MARCHF1: variants seen among roughly 807,000 people sequenced by gnomAD.
MARCHF1 encodes E3 ubiquitin-protein ligase MARCHF1.
Under a neutral mutation model 54.2 loss-of-function variants are expected in MARCHF1, and 40 were observed. That is an observed-to-expected ratio of 0.74 (90% CI 0.57 to 0.96). The LOEUF (loss-of-function observed/expected upper bound fraction) is 0.96. Among genes scored for constraint, MARCHF1 ranks in the 40% least tolerant of loss-of-function variants. The pLI is 0.00. For synonymous variants in MARCHF1, 236 were observed against 236.3 expected (o/e 1.00, Z 0.01); for missense variants, 586 against 656.5 (o/e 0.89, Z 1.17).
chr4:164,203,150 G>A (rs77269241), intron 1 of MARCHF1, among the ~76,000 whole-genome samples: 1 of 152,022 alleles, frequency 6.6e-6, no homozygotes, highest in Non-Finnish European at 1.5e-5. Context: ...GGGATTTTTA[G>A]AGCTTTATTG....
chr4:164,299,792 G>A lies in MARCHF1; in HGVS notation c.-323+84078C>T, dbSNP rs139212624. On this transcript the variant is annotated intron_variant, in intron 1 of 9. Coordinates refer to ENST00000514618, the MANE Select transcript of MARCHF1 (RefSeq NM_001394959.1). ...CAACTCTTACAGAGGAAAATAGAGAGGTGGCACTAATATAAAAACAGGTAA... is the reference window on the plus strand; with the variant it reads ...CAACTCTTACAGAGGAAAATAGAGAAGTGGCACTAATATAAAAACAGGTAA... Among the ~76,000 whole-genome samples the A allele has an allele frequency of 7.6e-3, 1,161 of 152,200 alleles. 10 individuals are homozygous for A. Among genetic ancestry groups the A allele is most frequent in the Middle Eastern group, 0.02 (6 of 294 alleles).
chr4:163,861,540 T>A (rs1320529886), intron 3 of MARCHF1, among the ~76,000 whole-genome samples: 1 of 152,080 alleles, frequency 6.6e-6, no homozygotes, highest in Non-Finnish European at 1.5e-5. Flanking sequence ...TTACAGGATT[T>A]ATATAAAAAA....
intron 1 of MARCHF1, among the ~76,000 whole-genome samples, chr4:164,274,310 A>C (rs568999725): frequency 3.3e-5 from 5 of 152,260 alleles, no homozygotes; most frequent in Admixed American, 6.5e-5. Context: ...CCATACCTTC[A>C]AGTTTGCTCT....
At chr4:163,709,795 A>G (rs1354100690) in intron 4 of MARCHF1, among the ~76,000 whole-genome samples, 1 of 152,206 alleles carries the variant, frequency 6.6e-6, no homozygotes, top group African/African-American at 2.4e-5. Context: ...CTACCTCTAA[A>G]TTGCTGAACT....
chr4:163,662,930 C>A (rs770661094), intron 5 of MARCHF1, among the ~76,000 whole-genome samples: 7 of 152,078 alleles, frequency 4.6e-5, no homozygotes, highest in Admixed American at 6.6e-5. Context: ...AGTAACCTCA[C>A]CCCTTCTTCA....
intron 1 of MARCHF1, among the ~76,000 whole-genome samples, chr4:164,313,465 G>T (rs958852294): frequency 6.6e-6 from 1 of 151,882 alleles, no homozygotes; most frequent in Admixed American, 6.6e-5. Context: ...TGATAGAGCT[G>T]GGCCAAAGCC....
At chr4:163,635,629 G>C (rs1384428068) in intron 5 of MARCHF1, among the ~76,000 whole-genome samples, 1 of 149,682 alleles carries the variant, frequency 6.7e-6, no homozygotes, top group Non-Finnish European at 1.5e-5. Context: ...AAGAGTCCAG[G>C]ACCAGATGGA....
intron 1 of MARCHF1, among the ~76,000 whole-genome samples, chr4:164,249,687 G>A (rs1454888186): frequency 1.3e-5 from 2 of 151,548 alleles, no homozygotes; most frequent in African/African-American, 4.8e-5. Flanking sequence ...CTAGGGGTCG[G>A]GGAGAACAGT....
intron 5 of MARCHF1, among the ~76,000 whole-genome samples, chr4:163,621,438 T>C (rs1741693587): frequency 6.6e-6 from 1 of 152,164 alleles, no homozygotes; most frequent in African/African-American, 2.4e-5. Flanking sequence ...CCATCCAGAG[T>C]TAGAAACCAC....
intron 1 of MARCHF1, among the ~76,000 whole-genome samples, chr4:164,345,994 T>C (rs1294934057): frequency 6.6e-6 from 1 of 152,202 alleles, no homozygotes; most frequent in Non-Finnish European, 1.5e-5. Context: ...GATCAGGCTT[T>C]TACATAAAGT....
intron 4 of MARCHF1, among the ~76,000 whole-genome samples, chr4:163,842,268 G>A (rs1424947428): frequency 6.6e-6 from 1 of 151,964 alleles, no homozygotes; most frequent in African/African-American, 2.4e-5. Flanking sequence ...TGGGCGAGAT[G>A]TTTAACCAAA....
chr4:163,665,026 G>A (rs997114098), intron 5 of MARCHF1, among the ~76,000 whole-genome samples: 2 of 151,896 alleles, frequency 1.3e-5, no homozygotes, highest in South Asian at 4.1e-4. Flanking sequence ...TTTGGAGGAG[G>A]GGTCTACCAA....
chr4:164,045,784 C>G (rs896079716), intron 2 of MARCHF1, among the ~76,000 whole-genome samples: 5 of 150,648 alleles, frequency 3.3e-5, no homozygotes, highest in African/African-American at 1.2e-4. Flanking sequence ...TGACCTCAAA[C>G]AAAAGCATCT....
rs532911070 is a variant in MARCHF1 at position 163,712,640 on chromosome 4, G to A, written c.112-11777C>T. ...ATGTCAGTAATATGTAAATAAATGAGATGAAATTTTAATCTTTGGATGTAT... is the reference window on the plus strand; with the variant it reads ...ATGTCAGTAATATGTAAATAAATGAAATGAAATTTTAATCTTTGGATGTAT... On this transcript the variant is annotated intron_variant, in intron 4 of 9. Coordinates refer to ENST00000514618, the MANE Select transcript of MARCHF1 (RefSeq NM_001394959.1). Among the ~76,000 whole-genome samples, 40 of 152,204 alleles carry A rather than the reference G, an allele frequency of 2.6e-4. No individual in the cohort carries two copies. In the South Asian group the frequency reaches 3.1e-3, roughly 12 times the overall value.
rs115216072 is a variant in MARCHF1 at position 164,070,631 on chromosome 4, C to T, written c.-248+40957G>A. Among the ~76,000 whole-genome samples the T allele has an allele frequency of 3.2e-3, 481 of 152,266 alleles. 3 individuals carry two copies. The highest frequency in any genetic ancestry group is 0.011 in the African/African-American group (451 of 41,552). On this transcript the variant is annotated intron_variant, in intron 2 of 9. Coordinates refer to ENST00000514618, the MANE Select transcript of MARCHF1 (RefSeq NM_001394959.1). ...CAGCTTAGATGATAAATTACATGCT[C>T]AACCTATAATTCTATAGGTTATTCA...
At chr4:164,363,472 T>C (rs1730784958) in intron 1 of MARCHF1, among the ~76,000 whole-genome samples, 1 of 152,126 alleles carries the variant, frequency 6.6e-6, no homozygotes, top group South Asian at 2.1e-4. Context: ...GCAGATTTTC[T>C]CTGGATAGCT....
At chr4:164,026,525 A>G (rs780671649) in intron 2 of MARCHF1, among the ~76,000 whole-genome samples, 18 of 152,182 alleles carry the variant, frequency 1.2e-4, no homozygotes, top group Non-Finnish European at 5.9e-5. Flanking sequence ...AAATATTTCA[A>G]TAAAATCCAC....
chr4:163,712,424 C>T (rs1745132314), intron 4 of MARCHF1, among the ~76,000 whole-genome samples: 1 of 152,130 alleles, frequency 6.6e-6, no homozygotes, highest in Non-Finnish European at 1.5e-5. Flanking sequence ...ATACTAGATA[C>T]TTTGTGATTC....
chr4:163,920,877 G>C (rs1751415653), intron 3 of MARCHF1, among the ~76,000 whole-genome samples: 1 of 152,052 alleles, frequency 6.6e-6, no homozygotes, highest in Admixed American at 6.6e-5. Context: ...ACTGTAATCT[G>C]AACAATGTAA....
Sources: gnomAD v4.1 joint callset for allele counts (sites outside exome capture counted in the v4.1 genomes callset) on GRCh38, gnomAD v4.1.1 for gene constraint, MANE v1.5 for transcripts, NCBI Gene and HGNC (gene_info 2026-07-23, HGNC 2026-07-21) for gene names.